SPART: variants seen among roughly 807,000 people sequenced by gnomAD.
SPART encodes spartin.
A neutral mutation model predicts 58.7 loss-of-function variants in SPART; 35 were observed. The observed-to-expected ratio is 0.60, with a 90% CI of 0.46 to 0.79. SPART has a LOEUF of 0.79. SPART is among the 30% of genes least tolerant of loss of function. SPART has a pLI of 0.00. For synonymous variants in SPART, 284 were observed against 280.7 expected (o/e 1.01, Z -0.12); for missense variants, 730 against 786.1 (o/e 0.93, Z 0.85).
At chr13:36,363,973 A>G (rs1441656338) in intron 1 of SPART, among the ~76,000 whole-genome samples, 1 of 152,080 alleles carries the variant, frequency 6.6e-6, no homozygotes, top group African/African-American at 2.4e-5. Context: ...TGATTTTACC[A>G]GTTTTTACAT....
rs1262950949 is a variant in SPART, at chr13:36,302,390, G to A, written c.*1975C>T. On this transcript the variant is annotated 3_prime_UTR_variant, in exon 9 of 9. Transcript: ENST00000438666. ...CAGAGAGTGAATAAGTTAGGCTTGT[G>A]GACCATATACTCTCTGATGCAACTA... 6.6e-6 allele frequency: 1 copy of A among 152,138 alleles called. No individual in the cohort carries two copies. The highest frequency in any genetic ancestry group is 2.4e-5 in the African/African-American group (1 of 41,420). 9.4% of individuals were successfully genotyped at this position (152,138 alleles called of 1,614,324 possible).
chr13:36,307,296 G>GC (rs950548706), intron 8 of SPART, among the ~76,000 whole-genome samples: 1 of 152,120 alleles, frequency 6.6e-6, no homozygotes, highest in African/African-American at 2.4e-5. Context: ...AATTGAACCA[G>GC]ATTTTTCTGA....
chr13:36,311,807 G>A lies in SPART; in HGVS notation c.1733+338C>T, dbSNP rs189822646. Among the ~76,000 whole-genome samples the A allele has an allele frequency of 2.3e-3, 355 of 152,254 alleles. 1 individual carries two copies. Among genetic ancestry groups the A allele is most frequent in the Non-Finnish European group, 3.0e-3 (207 of 68,012 alleles). ...ACAAATGCTACAAGAGATTTAGTCC[G>A]CCAGGCATGGTGGCTTACGCCTGTA... On this transcript the variant is annotated intron_variant, in intron 8 of 8. Coordinates refer to ENST00000438666, the MANE Select transcript of SPART (RefSeq NM_015087.5).
chr13:36,329,332 AAC>A (rs754017704), intron 4 of SPART, 28 bp downstream of exon 4: 3 of 1,612,174 alleles, frequency 1.9e-6, no homozygotes, highest in Non-Finnish European at 2.5e-6. Flanking sequence ...ATTAGAAGAC[AAC>A]ACACACACTT....
intron 1 of SPART, 53 bp from the exon 2 acceptor site, chr13:36,335,885 G>T: frequency 7.3e-7 from 1 of 1,360,772 alleles, no homozygotes; most frequent in South Asian, 1.2e-5. Context: ...GTTTACTTAT[G>T]ATTCGTATCT....
At chr13:36,353,565 T>A (rs1031979913) in intron 1 of SPART, among the ~76,000 whole-genome samples, 1 of 152,072 alleles carries the variant, frequency 6.6e-6, no homozygotes, top group African/African-American at 2.4e-5. Context: ...CATTTGGGCT[T>A]GTGTTAGGTG....
chr13:36,350,074 C>G (rs553545271), upstream of SPART, among the ~76,000 whole-genome samples: 14 of 152,258 alleles, frequency 9.2e-5, no homozygotes, highest in Non-Finnish European at 1.9e-4. Flanking sequence ...TGTAAAAAGC[C>G]ATTTTTAACA....
intron 8 of SPART, among the ~76,000 whole-genome samples, chr13:36,308,911 T>G (rs1215235949): frequency 6.6e-6 from 1 of 152,192 alleles, no homozygotes; most frequent in Non-Finnish European, 1.5e-5. Flanking sequence ...TCAGAAGAAT[T>G]TGAGATCTAT....
At chr13:36,314,550 T>C in intron 5 of SPART, 129 bp from the exon 6 acceptor site, 5 of 941,268 alleles carry the variant, frequency 5.3e-6, no homozygotes, top group Non-Finnish European at 8.2e-6. Flanking sequence ...TGCCATGTCA[T>C]AAACTTTCAA....
rs573668047 is a variant in SPART at position 36,335,052 on chromosome 13, G to T, written c.779C>A (p.Thr260Lys). Residue 260 changes from threonine (T) to lysine (K), a missense_variant, in exon 2 of 9, where the codon ACG becomes AAG. Thr to Lys is a moderately conservative substitution (Grantham distance 78, BLOSUM62 -1). Transcript: ENST00000438666. ...AAACCCGGGAGGACGGTTTAGAACC[G>T]TATCGAGAGAATTATCCAAAAACCT... ...IVRFLDNSLDTVLNRPPGFLQ... is the reference protein window; with the variant it reads ...IVRFLDNSLDKVLNRPPGFLQ... 3 of 1,613,880 alleles carry T rather than the reference G, an allele frequency of 1.9e-6. No homozygotes were observed. The South Asian group carries it at 3.3e-5, about 18-fold the overall frequency.
At chr13:36,368,305 A>G in intron 1 of SPART, 1 of 345,990 alleles carries the variant, frequency 2.9e-6, no homozygotes, top group Non-Finnish European at 6.1e-6. Flanking sequence ...ACACAAACAA[A>G]TCTGGAAGGC....
At chr13:36,345,775 C>T (rs753263012) in intron 1 of SPART, 1 of 152,232 alleles carries the variant, frequency 6.6e-6, no homozygotes, top group Non-Finnish European at 1.5e-5. Flanking sequence ...GTTCGTGGGC[C>T]TTCTTGCAGA....
chr13:36,332,921 G>A (rs893885717), intron 2 of SPART, among the ~76,000 whole-genome samples: 1 of 151,814 alleles, frequency 6.6e-6, no homozygotes, highest in African/African-American at 2.4e-5. Flanking sequence ...GGACAATTTA[G>A]TAAAAATATA....
intron 1 of SPART, chr13:36,368,078 G>T: frequency 3.1e-6 from 1 of 317,868 alleles, no homozygotes; most frequent in Admixed American, 4.2e-5. Flanking sequence ...CTAGTAAAAT[G>T]ATCATGGCTC....
At chr13:36,320,797 C>T (rs1333679649) in intron 5 of SPART, among the ~76,000 whole-genome samples, 1 of 152,212 alleles carries the variant, frequency 6.6e-6, no homozygotes, top group African/African-American at 2.4e-5. Flanking sequence ...TTCTTCCCTT[C>T]TGTCAGACAT....
chr13:36,348,564 G>A (rs1010649073), upstream of SPART, among the ~76,000 whole-genome samples: 1 of 152,016 alleles, frequency 6.6e-6, no homozygotes, highest in Non-Finnish European at 1.5e-5. Context: ...CTATACACTA[G>A]CAATGAACAT....
intron 1 of SPART, among the ~76,000 whole-genome samples, chr13:36,342,991 C>T (rs1884724483): frequency 6.6e-6 from 1 of 152,138 alleles, no homozygotes; most frequent in African/African-American, 2.4e-5. Flanking sequence ...GATGGAAAAG[C>T]CTCCCTACCA....
At chr13:36,350,839 T>C (rs578153554), upstream of SPART, among the ~76,000 whole-genome samples, 2 of 152,304 alleles carry the variant, frequency 1.3e-5, no homozygotes, top group Non-Finnish European at 1.5e-5. Context: ...GGAAAAGTTT[T>C]AGTGTGAAAG....
intron 1 of SPART, among the ~76,000 whole-genome samples, chr13:36,363,911 A>C (rs888086959): frequency 6.6e-6 from 1 of 152,210 alleles, no homozygotes; most frequent in African/African-American, 2.4e-5. Flanking sequence ...CATTATGAAA[A>C]TCAGGAAACT....
Sources: allele counts gnomAD v4.1 joint callset (sites outside exome capture counted in the v4.1 genomes callset), GRCh38; gene constraint gnomAD v4.1.1; transcripts MANE v1.5; gene names NCBI Gene and HGNC (gene_info 2026-07-23, HGNC 2026-07-21).